The following AKAP13 variants were observed in gnomAD, a reference collection of about 807,000 sequenced individuals.
AKAP13 encodes A-kinase anchor protein 13.
A neutral mutation model predicts 264.5 loss-of-function variants in AKAP13; 80 were observed. The ratio of observed to expected loss-of-function variants is 0.30; its 90% CI spans 0.25 to 0.36. The LOEUF (loss-of-function observed/expected upper bound fraction) is 0.36, where lower values mean the gene tolerates loss of function less well. Ranked by LOEUF, AKAP13 falls within the 10% of genes least tolerant of loss-of-function variation. The pLI is 1.00. For missense variants in AKAP13, 3,712 were observed against 3,435.2 expected, an observed-to-expected ratio of 1.08 and a Z score of -2.01; for synonymous variants, 1,380 against 1,250.2, an observed-to-expected ratio of 1.10 and a Z score of -2.19.
chr15:85,710,777 C>T lies in AKAP13; in HGVS notation c.5599+132C>T, dbSNP rs1002878026. On this transcript the variant is annotated intron_variant, in intron 19 of 36. Transcript: ENST00000394518. ...CTATTTTGTGGTAAGTGAGAGAAGG[C>T]TGCTGTTTTATCCTGCAGATTCCTT... The T allele has an allele frequency of 5.9e-6, 6 of 1,017,354 alleles. No homozygotes were observed. The African/African-American group carries it at 9.8e-5, about 17-fold the overall frequency. The allele number at this position is 1,017,354 out of a possible 1,614,324, so 63.0% of individuals were successfully genotyped here.
chr15:85,524,818 AGTGT>A (rs991129370), intron 3 of AKAP13, among the ~76,000 whole-genome samples: 5 of 150,532 alleles, frequency 3.3e-5, no homozygotes, highest in Admixed American at 1.3e-4. Flanking sequence ...CCTACAATGA[AGTGT>A]GTGTGTGTCT....
chr15:85,505,128 C>T (rs182032363), intron 2 of AKAP13, among the ~76,000 whole-genome samples: 1 of 152,332 alleles, frequency 6.6e-6, no homozygotes, highest in Admixed American at 6.5e-5. Flanking sequence ...TTAAGGAATA[C>T]TTCTCATTAA....
intron 2 of AKAP13, among the ~76,000 whole-genome samples, chr15:85,502,847 C>T (rs1007438283): frequency 1.4e-4 from 22 of 152,096 alleles, no homozygotes; most frequent in African/African-American, 2.2e-4. Flanking sequence ...CAGTTTCTTT[C>T]GTAAGACTTA....
intron 30 of AKAP13, among the ~76,000 whole-genome samples, chr15:85,733,873 CTTTTTTTTTTTT>C (rs72092500): frequency 2.4e-5 from 2 of 82,592 alleles, no homozygotes; most frequent in South Asian, 3.9e-4. Flanking sequence ...TCTTTCTTTT[CTTTTTTTTTTTT>C]TTTTTTTTTG....
intron 8 of AKAP13, among the ~76,000 whole-genome samples, chr15:85,628,423 G>A (rs1278251526): frequency 6.6e-6 from 1 of 152,176 alleles, no homozygotes; most frequent in Admixed American, 6.5e-5. Flanking sequence ...CCCAATCCTG[G>A]TGCAGAAGCC....
chr15:85,433,113 TA>T (rs2073099066), intron 1 of AKAP13, among the ~76,000 whole-genome samples: 1 of 145,072 alleles, frequency 6.9e-6, no homozygotes, highest in Non-Finnish European at 1.5e-5. Flanking sequence ...TTCCCTTCTG[TA>T]CAGTTTTTTT....
At chr15:85,508,892 A>G (rs2076326813) in intron 2 of AKAP13, among the ~76,000 whole-genome samples, 1 of 152,066 alleles carries the variant, frequency 6.6e-6, no homozygotes, top group African/African-American at 2.4e-5. Context: ...TTCAGGTTTC[A>G]GCTCAAATTT....
At chr15:85,653,102 C>T (rs931474329) in intron 10 of AKAP13, among the ~76,000 whole-genome samples, 2 of 152,124 alleles carry the variant, frequency 1.3e-5, no homozygotes, top group African/African-American at 4.8e-5. Flanking sequence ...GAATAGGACC[C>T]CTTTAGGAAA....
At chr15:85,484,862 T>A (rs111512989) in intron 1 of AKAP13, among the ~76,000 whole-genome samples, 124 of 152,340 alleles carry the variant, frequency 8.1e-4, no homozygotes, top group African/African-American at 2.8e-3. Flanking sequence ...ATACTGTTAT[T>A]TTGCTGGTTA....
intron 1 of AKAP13, among the ~76,000 whole-genome samples, chr15:85,382,855 A>G (rs1219467217): frequency 6.6e-6 from 1 of 152,218 alleles, no homozygotes; most frequent in African/African-American, 2.4e-5. Context: ...AGTGGTAGCT[A>G]GCGTACACAG....
Position 85,741,465 on chromosome 15 carries a change from C to G in AKAP13, c.8028C>G (p.Ser2676Arg). ...EQLRREAERL[S>R]QRQTERDLCQ... ...TGCGCCGGGAGGCAGAGCGGCTCAG[C>G]CAGCGGCAGACAGAACGGGACCTGT... Residue 2676 changes from serine to arginine, a missense_variant, in exon 35 of 37, where the codon AGC becomes AGG. By Grantham distance (110) the Ser-to-Arg change is moderately radical. Transcript: ENST00000394518. The G allele has an allele frequency of 6.2e-7, 1 of 1,603,748 alleles. No homozygotes were observed.
At chr15:85,453,640 G>C (rs961404796) in intron 1 of AKAP13, among the ~76,000 whole-genome samples, 3 of 152,190 alleles carry the variant, frequency 2.0e-5, no homozygotes, top group Non-Finnish European at 4.4e-5. Context: ...CCACATTTTG[G>C]TAGAGCATGT....
intron 2 of AKAP13, among the ~76,000 whole-genome samples, chr15:85,489,524 G>T (rs1234949079): frequency 1.3e-5 from 2 of 152,202 alleles, no homozygotes; most frequent in Non-Finnish European, 2.9e-5. Flanking sequence ...ATTGAGCAGG[G>T]TGGTGGGGGA....
intron 8 of AKAP13, among the ~76,000 whole-genome samples, chr15:85,608,259 C>A (rs1443275070): frequency 2.0e-5 from 3 of 152,154 alleles, no homozygotes; most frequent in African/African-American, 7.2e-5. Flanking sequence ...TTGTGTCTGG[C>A]CAGGAGTATT....
intron 2 of AKAP13, among the ~76,000 whole-genome samples, chr15:85,488,637 G>T (rs1236419557): frequency 6.6e-6 from 1 of 152,202 alleles, no homozygotes; most frequent in Non-Finnish European, 1.5e-5. Context: ...ATGAGTGAGA[G>T]GGAGTATCAG....
intron 17 of AKAP13, among the ~76,000 whole-genome samples, chr15:85,703,732 A>G (rs544826995): frequency 6.6e-6 from 1 of 151,960 alleles, no homozygotes; most frequent in East Asian, 1.9e-4. Context: ...AATCCCAGCT[A>G]CTCAGGAGGC....
At chr15:85,520,985 G>A (rs2076803008) in intron 2 of AKAP13, among the ~76,000 whole-genome samples, 1 of 152,238 alleles carries the variant, frequency 6.6e-6, no homozygotes, top group Non-Finnish European at 1.5e-5. Flanking sequence ...ATAGAATTTA[G>A]AGAATTATTG....
At chr15:85,650,777 A>AAAAAAAAAAAAAAAAAAAAAC (rs2082783562) in intron 10 of AKAP13, among the ~76,000 whole-genome samples, 1 of 143,552 alleles carries the variant, frequency 7.0e-6, no homozygotes, top group Non-Finnish European at 1.5e-5. Context: ...AAAAAAAAAA[A>AAAAAAAAAAAAAAAAAAAAAC]AAAAAAAAAA....
intron 17 of AKAP13, among the ~76,000 whole-genome samples, chr15:85,696,979 G>A (rs1415268700): frequency 6.6e-6 from 1 of 152,182 alleles, no homozygotes; most frequent in Non-Finnish European, 1.5e-5. Context: ...GAGAATTGAT[G>A]AATCTGGAGT....
Sources: allele counts gnomAD v4.1 joint callset (sites outside exome capture counted in the v4.1 genomes callset), GRCh38; gene constraint gnomAD v4.1.1; transcripts MANE v1.5; gene names NCBI Gene and HGNC (gene_info 2026-07-23, HGNC 2026-07-21).